ZNF888: variants seen among roughly 807,000 people sequenced by gnomAD.
ZNF888 encodes the protein zinc finger protein 888.
ZNF888 carries 5 observed loss-of-function variants against 7.2 expected under a neutral mutation model. The ratio of observed to expected loss-of-function variants is 0.70; its 90% CI spans 0.36 to 1.46. The LOEUF is 1.46. Ranked by LOEUF, ZNF888 falls within the 40% of genes most tolerant of loss-of-function variation. The pLI is 0.03. For synonymous variants in ZNF888, 240 were observed against 284.3 expected (o/e 0.84, Z 1.57); for missense variants, 716 against 858.0 (o/e 0.83, Z 2.07).
chr19:52,906,865 C>T lies in ZNF888; in HGVS notation c.1457G>A (p.Arg486Lys). 2 of 1,612,114 alleles carry T rather than the reference C, an allele frequency of 1.2e-6. No individual in the cohort carries two copies. Among genetic ancestry groups the T allele is most frequent in the Non-Finnish European group, 1.7e-6 (2 of 1,179,608 alleles). ...GTATGGTTTCTCACCAGTGTGAATTCTCCTATGTCTTTCAAGGTGTGATTT... is the reference window on the plus strand; with the variant it reads ...GTATGGTTTCTCACCAGTGTGAATTTTCCTATGTCTTTCAAGGTGTGATTT... Reference protein sequence around the residue: ...SRKSHLERHRRIHTGEKPYKC... With the variant: ...SRKSHLERHRKIHTGEKPYKC... Residue 486 changes from arginine to lysine, a missense_variant, in exon 5 of 5, where the codon AGA becomes AAA. Physicochemically the swap from Arg to Lys is conservative, Grantham distance 26. Coordinates refer to ENST00000638862, the MANE Select transcript of ZNF888 (RefSeq NM_001393938.1).
At chr19:52,908,844 C>CAA (rs11326533) in intron 4 of ZNF888, among the ~76,000 whole-genome samples, 10,096 of 81,212 alleles carry the variant, frequency 0.12, 765 homozygotes, top group African/African-American at 0.26. Context: ...AGACTCGAGT[C>CAA]AAAAAAAAAA....
At position 52,908,005 on chromosome 19, in the gene ZNF888, T is replaced by C; in HGVS notation, c.317A>G (p.Asn106Ser). 1.2e-6 allele frequency: 2 copies of C among 1,614,170 alleles called. No homozygotes were observed. Among genetic ancestry groups the C allele is most frequent in the Non-Finnish European group, 1.7e-6 (2 of 1,180,014 alleles). The stretch of plus-strand genomic sequence containing the variant: ...TTCTGTCATGGGTGCTTCATGGCCA[T>C]TTGTTTCATCTTCTTGCCACTGAAA... Reference protein sequence around the residue: ...FVFQWQEDETNGHEAPMTEIK... With the variant: ...FVFQWQEDETSGHEAPMTEIK... Residue 106 changes from asparagine to serine, a missense_variant, in exon 5 of 5, where the codon AAT (asparagine) becomes AGT (serine). Physicochemically the swap from Asn to Ser is conservative, Grantham distance 46. Transcript: ENST00000638862.
intron 4 of ZNF888, among the ~76,000 whole-genome samples, chr19:52,914,080 G>A (rs1376154754): frequency 6.6e-6 from 1 of 152,190 alleles, no homozygotes; most frequent in African/African-American, 2.4e-5. Context: ...AGCCAAAATT[G>A]CACCACTGCA....
rs1205348731 is a variant in ZNF888 at position 52,905,779 on chromosome 19, A to T, written c.*386T>A. The stretch of plus-strand genomic sequence containing the variant: ...TATTATCTCAAAAATAAATTTTCTG[A>T]TATTCTGCAAGGAGTGATCTCAGAC... On this transcript the variant is annotated 3_prime_UTR_variant, in exon 5 of 5. Transcript: ENST00000638862. The T allele has an allele frequency of 1.7e-6, 1 of 590,980 alleles. No homozygotes were observed. Among genetic ancestry groups the T allele is most frequent in the African/African-American group, 1.7e-5 (1 of 57,270 alleles). 36.6% of individuals were successfully genotyped at this position (590,980 alleles called of 1,614,324 possible).
At chr19:52,913,915 A>G (rs556296613) in intron 4 of ZNF888, among the ~76,000 whole-genome samples, 5 of 152,174 alleles carry the variant, frequency 3.3e-5, no homozygotes, top group East Asian at 1.9e-4. Flanking sequence ...CACTTGAGAT[A>G]AGGAGTTTGA....
chr19:52,913,769 T>G (rs1396032362), intron 4 of ZNF888: 4 of 983,102 alleles, frequency 4.1e-6, no homozygotes, highest in Non-Finnish European at 4.8e-6. Context: ...GGTTGTTATA[T>G]TCACACTGGA....
chr19:52,907,660 T>C lies in ZNF888; in HGVS notation c.662A>G (p.Lys221Arg). 6.2e-7 allele frequency: 1 copy of C among 1,606,282 alleles called. No homozygotes were observed. The highest frequency in any genetic ancestry group is 8.5e-7 in the Non-Finnish European group (1 of 1,176,968). The part of the protein sequence containing the change: ...EKSFQFNESG[K>R]SFNCSSLFKK... ...AAAGAGTGAGCTACAATTAAAGGAT[T>C]TGCCACTCTCATTAAATTGGAAAGA... is the stretch of plus-strand genomic sequence containing the variant. The change falls in exon 5 of 5, where the codon AAA (lysine) becomes AGA (arginine). Residue 221 changes from lysine to arginine, a missense_variant. This residue lies in a region of ZNF888 where 697 missense variants were observed against 803.4 expected (regional missense o/e 0.87). Transcript: ENST00000638862.
chr19:52,909,997 A>G (rs1004784252), intron 4 of ZNF888, among the ~76,000 whole-genome samples: 1 of 152,046 alleles, frequency 6.6e-6, no homozygotes. Flanking sequence ...CCCCGTCTCA[A>G]CTAAAAATAC....
chr19:52,907,313 G>C lies in ZNF888; in HGVS notation c.1009C>G (p.Gln337Glu). Reference protein sequence around the residue: ...KCNECGKVFNQQSNLARHHRV... With the variant: ...KCNECGKVFNEQSNLARHHRV... ...TGATGACGTGCAAGGTTTGATTGTTGATTAAAAACCTTGCCACATTCATTA... is the reference window on the plus strand; with the variant it reads ...TGATGACGTGCAAGGTTTGATTGTTCATTAAAAACCTTGCCACATTCATTA... Residue 337 changes from glutamine (Q) to glutamate (E), a missense_variant, in exon 5 of 5, where the codon CAA (glutamine) becomes GAA (glutamate). This residue lies in a region of ZNF888 where 697 missense variants were observed against 803.4 expected (regional missense o/e 0.87). Coordinates refer to ENST00000638862, the MANE Select transcript of ZNF888 (RefSeq NM_001393938.1). 6.2e-7 allele frequency: 1 copy of C among 1,612,182 alleles called. No homozygotes were observed. The highest frequency in any genetic ancestry group is 2.2e-5 in the East Asian group (1 of 44,798).
At chr19:52,912,834 A>C (rs897510481) in intron 4 of ZNF888, among the ~76,000 whole-genome samples, 1 of 152,162 alleles carries the variant, frequency 6.6e-6, no homozygotes, top group African/African-American at 2.4e-5. Flanking sequence ...TAGGCCGGAC[A>C]TGGTGACTCA....
At chr19:52,922,564 T>C (rs553010059) in intron 1 of ZNF888, among the ~76,000 whole-genome samples, 1 of 152,326 alleles carries the variant, frequency 6.6e-6, no homozygotes, top group African/African-American at 2.4e-5. Context: ...TGCTTTGTTA[T>C]CTTTTGTTTT....
intron 4 of ZNF888, among the ~76,000 whole-genome samples, chr19:52,912,404 T>G (rs370642530): frequency 6.6e-6 from 1 of 150,962 alleles, no homozygotes; most frequent in Non-Finnish European, 1.5e-5. Flanking sequence ...TGAGCCACCG[T>G]GCCTGGCCAG....
chr19:52,917,550 AGATGCGGCC>A, intron 3 of ZNF888: 4 of 553,516 alleles, frequency 7.2e-6, no homozygotes, highest in South Asian at 5.0e-5. Flanking sequence ...CAGTGCATCC[AGATGCGGCC>A]CTGAACAATC....
At chr19:52,910,315 C>CA (rs916775618) in intron 4 of ZNF888, among the ~76,000 whole-genome samples, 2 of 151,632 alleles carry the variant, frequency 1.3e-5, no homozygotes, top group East Asian at 1.9e-4. Context: ...ACTAAAAATA[C>CA]AAAAAAAATT....
Position 52,906,513 on chromosome 19 carries a change from C to A in ZNF888, c.1809G>T (p.Glu603Asp), listed in dbSNP as rs61741954. 29,180 of 1,613,688 alleles carry A rather than the reference C, an allele frequency of 0.018. 328 individuals carry two copies. The highest frequency in any genetic ancestry group is 0.022 in the Non-Finnish European group (25,722 of 1,179,756). ...CACATTCTTCACATTTGTAAGGTTT[C>A]TCTCCAGTATGAAGTCTATGATGAC... ...LACHHRLHTG[E>D]KPYKCEECDK... Residue 603 changes from glutamate (E) to aspartate (D), a missense_variant, in exon 5 of 5, where the codon GAG becomes GAT. By Grantham distance (45) the Glu-to-Asp change is conservative. This residue lies in a region of ZNF888 where 697 missense variants were observed against 803.4 expected (regional missense o/e 0.87). Coordinates refer to ENST00000638862, the MANE Select transcript of ZNF888 (RefSeq NM_001393938.1).
intron 3 of ZNF888, among the ~76,000 whole-genome samples, chr19:52,916,992 C>A (rs1322651700): frequency 3.9e-5 from 6 of 152,118 alleles, no homozygotes; most frequent in Non-Finnish European, 7.4e-5. Context: ...AAGTACTGCT[C>A]CCATATTTGA....
At position 52,907,354 on chromosome 19, in the gene ZNF888, T is replaced by C; in HGVS notation, c.968A>G (p.Glu323Gly). The C allele has an allele frequency of 1.2e-6, 2 of 1,613,764 alleles. No homozygotes were observed. The highest frequency in any genetic ancestry group is 1.1e-5 in the South Asian group (1 of 91,044). ...ACATTCATTACACTTGTAAGGTTTC[T>C]CTCCAGTATGAATTGTCTTGTGAAC... is the stretch of plus-strand genomic sequence containing the variant. Reference protein sequence around the residue: ...LLVHKTIHTGEKPYKCNECGK... With the variant: ...LLVHKTIHTGGKPYKCNECGK... The change falls in exon 5 of 5, where the codon GAG becomes GGG. Residue 323 changes from glutamate to glycine, a missense_variant. Physicochemically the swap from Glu to Gly is moderately conservative, Grantham distance 98. Coordinates refer to ENST00000638862, the MANE Select transcript of ZNF888 (RefSeq NM_001393938.1).
At chr19:52,916,184 C>A (rs1324263678) in intron 3 of ZNF888, among the ~76,000 whole-genome samples, 1 of 152,178 alleles carries the variant, frequency 6.6e-6, no homozygotes, top group Admixed American at 6.6e-5. Context: ...TGGCAGGCAC[C>A]TGTGGTTCCA....
At position 52,908,094 on chromosome 19, in the gene ZNF888, C is replaced by A. The variant is rs7256037; in HGVS notation, c.228G>T (p.Leu76=). ...AACATTCTCCAATGTGATGACTTGC[C>A]AGTCTTTGCAATGTCCCTGTGTGGA... The part of the protein sequence containing the change: ...EVIHTGTLQR[L]ASHHIGECCF... The change falls in exon 5 of 5, where the codon CTG becomes CTT. Residue 76 remains leucine, a synonymous_variant. Transcript: ENST00000638862. 0.26 allele frequency: 417,000 copies of A among 1,613,758 alleles called. 64,790 individuals carry two copies. The highest frequency in any genetic ancestry group is 0.69 in the African/African-American group (51,407 of 74,906).
Sources: gnomAD v4.1 joint callset for allele counts (sites outside exome capture counted in the v4.1 genomes callset) on GRCh38, gnomAD v4.1.1 for gene constraint, gnomAD v4.1.1 regional missense constraint, MANE v1.5 for transcripts, NCBI Gene and HGNC (gene_info 2026-07-23, HGNC 2026-07-21) for gene names.